The following AKAP6 variants were observed in gnomAD, a reference collection of about 807,000 sequenced individuals.
AKAP6 encodes the protein A-kinase anchoring protein 6, also known as A-kinase anchor protein 6.
AKAP6 carries 58 observed loss-of-function variants against 188.5 expected under a neutral mutation model. The ratio of observed to expected loss-of-function variants is 0.31; its 90% confidence interval spans 0.25 to 0.38. AKAP6 has a LOEUF of 0.38. Ranked by LOEUF, AKAP6 falls within the 10% of genes least tolerant of loss-of-function variation. The pLI, the probability that AKAP6 is intolerant of heterozygous loss-of-function variation, is 1.00. For missense variants in AKAP6, 2,710 were observed against 2,740.0 expected (o/e 0.99, Z 0.24); for synonymous variants, 989 against 998.6 (o/e 0.99, Z 0.18).
intron 5 of AKAP6, among the ~76,000 whole-genome samples, chr14:32,595,681 C>T (rs553952135): frequency 6.6e-6 from 1 of 152,012 alleles, no homozygotes; most frequent in African/African-American, 2.4e-5. Context: ...GCTAATTTAG[C>T]CTTGTTTTTG....
intron 2 of AKAP6, among the ~76,000 whole-genome samples, chr14:32,520,443 T>C (rs1385359549): frequency 1.3e-5 from 2 of 152,050 alleles, no homozygotes; most frequent in African/African-American, 4.8e-5. Flanking sequence ...AGTTGATAGA[T>C]CGCTAGCAAG....
Position 32,823,050 on chromosome 14 carries a change from G to T in AKAP6, c.5237G>T (p.Cys1746Phe). ...MIVNVSCTSA[C>F]TDDEDDSDLL... is the part of the protein sequence containing the mutation. ...GTTAATGTCTCTTGCACCTCTGCTT[G>T]CACTGATGATGAAGATGACAGCGAC... Residue 1746 changes from cysteine (C) to phenylalanine (F), a missense_variant, in exon 13 of 14, where the codon TGC becomes TTC. Transcript: ENST00000280979. 6.2e-7 allele frequency: 1 copy of T among 1,613,790 alleles called. No homozygotes were observed. Among genetic ancestry groups the T allele is most frequent in the Middle Eastern group, 1.7e-4 (1 of 6,060 alleles).
At chr14:32,503,909 T>TC (rs987098218) in intron 2 of AKAP6, among the ~76,000 whole-genome samples, 1 of 151,772 alleles carries the variant, frequency 6.6e-6, no homozygotes. Flanking sequence ...TTTCAACCCT[T>TC]CCCCCCATAA....
intron 9 of AKAP6, among the ~76,000 whole-genome samples, chr14:32,698,395 T>A (rs1890490741): frequency 6.6e-6 from 1 of 152,292 alleles, no homozygotes; most frequent in East Asian, 1.9e-4. Context: ...GCTTTTCAAT[T>A]GGTGCCCAGG....
intron 4 of AKAP6, among the ~76,000 whole-genome samples, chr14:32,575,800 G>A (rs1884690510): frequency 6.6e-6 from 1 of 152,114 alleles, no homozygotes. Context: ...CACTATGTGG[G>A]ATGATAGACT....
intron 1 of AKAP6, among the ~76,000 whole-genome samples, chr14:32,339,853 A>G (rs991729627): frequency 3.3e-5 from 5 of 152,194 alleles, no homozygotes; most frequent in Non-Finnish European, 5.9e-5. Context: ...TTCTATACTT[A>G]TTTTGAATTA....
intron 2 of AKAP6, among the ~76,000 whole-genome samples, chr14:32,451,681 T>G (rs914701358): frequency 6.6e-6 from 1 of 152,174 alleles, no homozygotes; most frequent in Admixed American, 6.5e-5. Flanking sequence ...AAATAACACA[T>G]AAAATATCTA....
intron 1 of AKAP6, among the ~76,000 whole-genome samples, chr14:32,375,298 A>G (rs1319835653): frequency 1.3e-5 from 2 of 152,216 alleles, no homozygotes; most frequent in Admixed American, 1.3e-4. Flanking sequence ...GTATGGAAGT[A>G]CACTACAACA....
At chr14:32,776,304 T>C (rs1367654507) in intron 12 of AKAP6, among the ~76,000 whole-genome samples, 2 of 152,188 alleles carry the variant, frequency 1.3e-5, no homozygotes, top group East Asian at 1.9e-4. Flanking sequence ...GTTTCCCCCA[T>C]ACTGTTCTCA....
chr14:32,691,013 A>T (rs554665243), intron 8 of AKAP6, among the ~76,000 whole-genome samples: 148 of 152,344 alleles, frequency 9.7e-4, no homozygotes, highest in Non-Finnish European at 1.8e-3. Context: ...GTATCCTAAC[A>T]GGCCTTTTAA....
chr14:32,477,568 G>T (rs1879133555), intron 2 of AKAP6, among the ~76,000 whole-genome samples: 1 of 152,176 alleles, frequency 6.6e-6, no homozygotes, highest in Non-Finnish European at 1.5e-5. Context: ...TTATATGTAT[G>T]TGAATGTCTG....
chr14:32,824,438 G>T lies in AKAP6; in HGVS notation c.6625G>T (p.Asp2209Tyr). The T allele has an allele frequency of 6.2e-7, 1 of 1,613,942 alleles. No homozygotes were observed. Among genetic ancestry groups the T allele is most frequent in the South Asian group, 1.1e-5 (1 of 91,076 alleles). ...SDSSLSADDA[D>Y]TVALSSPSSQ... The stretch of plus-strand genomic sequence containing the variant: ...TAGTTCTCTTTCAGCTGATGATGCA[G>T]ATACAGTGGCTCTTTCAAGTCCTTC... Residue 2209 changes from aspartate to tyrosine, a missense_variant, in exon 13 of 14, where the codon GAT (aspartate) becomes TAT (tyrosine). Coordinates refer to ENST00000280979, the MANE Select transcript of AKAP6 (RefSeq NM_004274.5).
chr14:32,758,864 G>A (rs539591616), intron 11 of AKAP6, among the ~76,000 whole-genome samples: 1 of 152,224 alleles, frequency 6.6e-6, no homozygotes, highest in East Asian at 1.9e-4. Context: ...ACAGACCAAG[G>A]CTCCTCTGGC....
intron 1 of AKAP6, among the ~76,000 whole-genome samples, chr14:32,397,921 A>G (rs558774787): frequency 6.6e-6 from 1 of 152,216 alleles, no homozygotes; most frequent in East Asian, 1.9e-4. Context: ...ACCTGTCATC[A>G]CCTGTCTCTT....
At chr14:32,594,237 A>T (rs376391290) in intron 5 of AKAP6, among the ~76,000 whole-genome samples, 1 of 152,226 alleles carries the variant, frequency 6.6e-6, no homozygotes, top group Admixed American at 6.5e-5. Context: ...ATAAGATCAG[A>T]CCATGGTAAC....
rs3033287 is a variant in AKAP6, at chr14:32,728,200, ATTTTTTTTTTTTTTTT to A, written c.3001-4238_3001-4223del. On this transcript the variant is annotated intron_variant, in intron 9 of 13. Transcript: ENST00000280979. Reference sequence around the variant, plus strand: ...GAGTTGTAAATAGACACATCCCTGGATTTTTTTTTTTTTTTTTTTTTTTTTTTTTTTGCAAAAATGC... The same window carrying A: ...GAGTTGTAAATAGACACATCCCTGGATTTTTTTTTTTTTTTGCAAAAATGC... Among the ~76,000 whole-genome samples, 519 of 71,130 alleles carry A rather than the reference ATTTTTTTTTTTTTTTT, an allele frequency of 7.3e-3. 2 individuals are homozygous for A. The highest frequency in any genetic ancestry group is 0.024 in the African/African-American group (449 of 18,786). 46.7% of individuals were successfully genotyped at this position (71,130 alleles called of 152,430 possible).
intron 1 of AKAP6, among the ~76,000 whole-genome samples, chr14:32,409,585 G>T (rs757029421): frequency 1.3e-5 from 2 of 152,266 alleles, no homozygotes; most frequent in Middle Eastern, 3.4e-3. Flanking sequence ...GAGGTTGACA[G>T]ATGGCTTCTG....
chr14:32,435,167 C>T (rs574962331), intron 2 of AKAP6, among the ~76,000 whole-genome samples: 1 of 152,286 alleles, frequency 6.6e-6, no homozygotes, highest in South Asian at 2.1e-4. Flanking sequence ...GCTTTGCCCC[C>T]TTCCCTTCTC....
intron 1 of AKAP6, among the ~76,000 whole-genome samples, chr14:32,337,028 G>A (rs1441453873): frequency 1.3e-5 from 2 of 152,104 alleles, no homozygotes; most frequent in Non-Finnish European, 2.9e-5. Flanking sequence ...ATACTTCCTT[G>A]TATTTAATCT....
Sources: gnomAD v4.1 joint callset for allele counts (sites outside exome capture counted in the v4.1 genomes callset) on GRCh38, gnomAD v4.1.1 for gene constraint, MANE v1.5 for transcripts, NCBI Gene and HGNC (gene_info 2026-07-23, HGNC 2026-07-21) for gene names.